GRWD1: variants seen among roughly 807,000 people sequenced by gnomAD.
GRWD1 encodes the protein glutamate rich WD repeat containing 1.
A neutral mutation model predicts 45.3 loss-of-function variants in GRWD1; 29 were observed. The ratio of observed to expected loss-of-function variants is 0.64; its 90% CI spans 0.48 to 0.87. The LOEUF (loss-of-function observed/expected upper bound fraction) is 0.87. Among genes scored for constraint, GRWD1 ranks in the 40% least tolerant of loss-of-function variants. The pLI is 0.00. For missense variants in GRWD1, 592 were observed against 618.8 expected (o/e 0.96, Z 0.46); for synonymous variants, 262 against 257.6 (o/e 1.02, Z -0.16).
At position 48,452,437 on chromosome 19, in the gene GRWD1, G is replaced by A. The variant is rs945516541; in HGVS notation, c.1024-271G>A. Among the ~76,000 whole-genome samples, 8 of 152,164 alleles carry A rather than the reference G, an allele frequency of 5.3e-5. No individual in the cohort carries two copies. The highest frequency in any genetic ancestry group is 3.9e-4 in the Admixed American group (6 of 15,282). ...ACAAGGAAGAAAACAGGCAGGCAGA[G>A]GGAAGAGCAGGGGCGGGGGTTTTGC... is the stretch of plus-strand genomic sequence containing the variant. On this transcript the variant is annotated intron_variant, in intron 6 of 6. Coordinates refer to ENST00000253237, the MANE Select transcript of GRWD1 (RefSeq NM_031485.4). The surrounding 1 kb of genome is among the most constrained non-coding windows in gnomAD (Gnocchi z 5.1).
At position 48,450,457 on chromosome 19, in the gene GRWD1, A is replaced by T; in HGVS notation, c.613A>T (p.Lys205Ter). Residue 205 changes from lysine (K) to a stop codon, truncating the protein, a stop_gained, in exon 4 of 7, where the codon AAG becomes TAG. Coordinates refer to ENST00000253237, the MANE Select transcript of GRWD1 (RefSeq NM_031485.4). LOFTEE classifies it high-confidence loss of function. This position sits in a 1 kb window ranked among gnomAD's most constrained non-coding sequence, Gnocchi z 5.1. ...CCTCCGGGATGAGCAGGCCCAAATG[A>T]AGCCCATCTTCTCCTTCGCTGGACA... ...AFLRDEQAQMKPIFSFAGHMG... is the reference protein window; with the variant it reads ...AFLRDEQAQM The T allele has an allele frequency of 6.2e-7, 1 of 1,614,106 alleles. No homozygotes were observed. Among genetic ancestry groups the T allele is most frequent in the South Asian group, 1.1e-5 (1 of 91,082 alleles).
chr19:48,449,035 AG>A, intron 3 of GRWD1, among the ~76,000 whole-genome samples: 1 of 152,250 alleles, frequency 6.6e-6, no homozygotes, highest in East Asian at 1.9e-4. Context: ...ATTCAGGGGA[AG>A]GATGACATCA....
chr19:48,447,392 G>A (rs997806143), intron 3 of GRWD1, among the ~76,000 whole-genome samples: 1 of 152,086 alleles, frequency 6.6e-6, no homozygotes, highest in South Asian at 2.1e-4. Flanking sequence ...ACAGGTGCGC[G>A]CCACCACGCC....
At position 48,452,086 on chromosome 19, in the gene GRWD1, T is replaced by C. The variant is rs1252172664; in HGVS notation, c.1024-622T>C. ...TCTGGGAGAGCCATGCCCTCCTTTT[T>C]TTCTTTTTTTTTTTTTTTTTCTTTT... is the stretch of plus-strand genomic sequence containing the variant. On this transcript the variant is annotated intron_variant, in intron 6 of 6. Transcript: ENST00000253237. This position sits in a 1 kb window ranked among gnomAD's most constrained non-coding sequence, Gnocchi z 5.1. 8.3e-5 allele frequency among the ~76,000 whole-genome samples: 3 copies of C among 36,150 alleles called. No homozygotes were observed. The highest frequency in any genetic ancestry group is 1.8e-4 in the Non-Finnish European group (2 of 11,054). The allele number at this position is 36,150 out of a possible 152,430, so 23.7% of individuals were successfully genotyped here.
In GRWD1 at chr19:48,450,175, A is replaced by C; in HGVS notation, c.469-138A>C. 1.5e-6 allele frequency: 1 copy of C among 666,562 alleles called. No homozygotes were observed. The highest frequency in any genetic ancestry group is 2.6e-6 in the Non-Finnish European group (1 of 383,300). The allele number at this position is 666,562 out of a possible 1,614,324, so 41.3% of individuals were successfully genotyped here. ...GTGATTTTCTTCCCACAGAGGTTTC[A>C]AGGAGCTGTAGTCCCAGGCCTGGGA... On this transcript the variant is annotated intron_variant, in intron 3 of 6. Coordinates refer to ENST00000253237, the MANE Select transcript of GRWD1 (RefSeq NM_031485.4). This position sits in a 1 kb window ranked among gnomAD's most constrained non-coding sequence, Gnocchi z 5.1.
intron 6 of GRWD1, among the ~76,000 whole-genome samples, chr19:48,451,703 CAGG>C (rs976723511): frequency 2.7e-4 from 41 of 152,282 alleles, no homozygotes; most frequent in Admixed American, 2.5e-3. Flanking sequence ...GGTCCCTGTG[CAGG>C]AGAAGTTGCA....
chr19:48,453,216 C>G lies in GRWD1; in HGVS notation c.*191C>G. On this transcript the variant is annotated 3_prime_UTR_variant, in exon 7 of 7. Transcript: ENST00000253237. ...CAGTGACCCCTCTCACCAAAGAACT[C>G]GGTTTAACCAGGGCTCTGTAAGACC... 1.8e-6 allele frequency: 1 copy of G among 567,926 alleles called. No individual in the cohort carries two copies. Among genetic ancestry groups the G allele is most frequent in the Non-Finnish European group, 3.1e-6 (1 of 324,482 alleles). 35.2% of individuals were successfully genotyped at this position (567,926 alleles called of 1,614,324 possible).
Position 48,453,385 on chromosome 19 carries a change from T to A in GRWD1, c.*360T>A, listed in dbSNP as rs1161337165. 1.1e-5 allele frequency: 2 copies of A among 188,596 alleles called. No homozygotes were observed. The highest frequency in any genetic ancestry group is 2.7e-4 in the East Asian group (2 of 7,490). 11.7% of individuals were successfully genotyped at this position (188,596 alleles called of 1,614,324 possible). A position where few individuals can be genotyped will look rare whatever the true frequency, so the allele number is the denominator to read the frequency against. On this transcript the variant is annotated 3_prime_UTR_variant, in exon 7 of 7. Transcript: ENST00000253237. The stretch of plus-strand genomic sequence containing the variant: ...CGGAGTCTTGGTCTGTCGCCCAGGC[T>A]GGAGTGCAGTAGCACGATCTTGGCT...
In GRWD1 at chr19:48,452,202, C is replaced by T. The variant is rs1182397221; in HGVS notation, c.1024-506C>T. 6.6e-6 allele frequency among the ~76,000 whole-genome samples: 1 copy of T among 151,610 alleles called. No homozygotes were observed. Among genetic ancestry groups the T allele is most frequent in the East Asian group, 1.9e-4 (1 of 5,148 alleles). On this transcript the variant is annotated intron_variant, in intron 6 of 6. Transcript: ENST00000253237. This position sits in a 1 kb window ranked among gnomAD's most constrained non-coding sequence, Gnocchi z 5.1. ...GCAACCTCCCGCTCCTGGGTTCAAG[C>T]GATTCTCCTGCCTCAGCCTCCTGAG... is the stretch of plus-strand genomic sequence containing the variant.
chr19:48,446,701 A>G lies in GRWD1; in HGVS notation c.326A>G (p.His109Arg). The G allele has an allele frequency of 6.2e-7, 1 of 1,603,912 alleles. No homozygotes were observed. Reference protein sequence around the residue: ...QSNRLMMLRMHNLHGTKPPPS... With the variant: ...QSNRLMMLRMRNLHGTKPPPS... ...CCCAGACTGATGATGCTTCGGATGC[A>G]CAATCTGCATGGGACAAAGCCCCCA... The change falls in exon 3 of 7, where the codon CAC becomes CGC. Residue 109 changes from histidine (H) to arginine (R), a missense_variant. His to Arg is a conservative substitution (Grantham distance 29). Coordinates refer to ENST00000253237, the MANE Select transcript of GRWD1 (RefSeq NM_031485.4).
chr19:48,449,841 G>A (rs1156534431), intron 3 of GRWD1, among the ~76,000 whole-genome samples: 3 of 152,060 alleles, frequency 2.0e-5, no homozygotes, highest in Non-Finnish European at 4.4e-5. Flanking sequence ...AAGTTTGAAC[G>A]GTCAATGCAG....
At position 48,446,084 on chromosome 19, in the gene GRWD1, G is replaced by A. The variant is rs761578462; in HGVS notation, c.79G>A (p.Glu27Lys). The A allele has an allele frequency of 1.9e-6, 3 of 1,596,412 alleles. No homozygotes were observed. The highest frequency in any genetic ancestry group is 2.6e-6 in the Non-Finnish European group (3 of 1,173,260). The change falls in exon 1 of 7, where the codon GAG becomes AAG. Residue 27 changes from glutamate to lysine, a missense_variant. Glu to Lys is a moderately conservative substitution (Grantham distance 56, BLOSUM62 1). Coordinates refer to ENST00000253237, the MANE Select transcript of GRWD1 (RefSeq NM_031485.4). ...MEAESGDTSS[E>K]GPAQVYLPGR... ...AGCCGAGTCCGGCGACACAAGTTCC[G>A]AGGGCCCGGCCCAGGTCTACCTGCC...
In GRWD1 at chr19:48,446,844, G is replaced by A; in HGVS notation, c.468+1G>A. On this transcript the variant is annotated splice_donor_variant, in intron 3 of 6. Coordinates refer to ENST00000253237, the MANE Select transcript of GRWD1 (RefSeq NM_031485.4). LOFTEE classifies it high-confidence loss of function. ...CTATGGTGGCATCAACCGAGTTCGG[G>A]TAAGTATGGTCCCAGGAGCCTGCTC... 1 of 1,611,844 alleles carries A rather than the reference G, an allele frequency of 6.2e-7. No homozygotes were observed. Among genetic ancestry groups the A allele is most frequent in the Non-Finnish European group, 8.5e-7 (1 of 1,179,350 alleles).
At position 48,446,440 on chromosome 19, in the gene GRWD1, A is replaced by G; in HGVS notation, c.243A>G (p.Thr81=). 6.2e-7 allele frequency: 1 copy of G among 1,614,136 alleles called. No individual in the cohort carries two copies. The highest frequency in any genetic ancestry group is 8.5e-7 in the Non-Finnish European group (1 of 1,179,980). The change falls in exon 2 of 7, where the codon ACA becomes ACG. Residue 81 remains threonine (T), a synonymous_variant. Coordinates refer to ENST00000253237, the MANE Select transcript of GRWD1 (RefSeq NM_031485.4). ...GGGATCACCTGGGAGACAACCGGAC[A>G]GAGCTTCCTCTTACACTTTACTTGT... ...IVRDHLGDNR[T]ELPLTLYLCA...
Position 48,452,969 on chromosome 19 carries a change from CTCCTGG to C in GRWD1, c.1288_1293del (p.Leu430_Val431del), listed in dbSNP as rs1345721279. 1 of 1,610,048 alleles carries C rather than the reference CTCCTGG, an allele frequency of 6.2e-7. No individual in the cohort carries two copies. Among genetic ancestry groups the C allele is most frequent in the Non-Finnish European group, 8.5e-7 (1 of 1,178,220 alleles). On this transcript the variant is annotated inframe_deletion, in exon 7 of 7. Transcript: ENST00000253237. This position sits in a 1 kb window ranked among gnomAD's most constrained non-coding sequence, Gnocchi z 5.1. ...GCACTGGCACCCGCAGTGCCCAGGG[CTCCTGG>C]TCAGCACGGCGCTGTCAGGCTTCAC...
At position 48,446,821 on chromosome 19, in the gene GRWD1, A is replaced by G. The variant is rs776488725; in HGVS notation, c.446A>G (p.Tyr149Cys). The G allele has an allele frequency of 6.2e-7, 1 of 1,613,484 alleles. No homozygotes were observed. The highest frequency in any genetic ancestry group is 1.1e-5 in the South Asian group (1 of 91,068). Residue 149 changes from tyrosine (Y) to cysteine (C), a missense_variant, in exon 3 of 7, where the codon TAT becomes TGT. By Grantham distance (194) the Tyr-to-Cys change is radical. Transcript: ENST00000253237. ...PQLELAMVPH[Y>C]GGINRVRVSW... The stretch of plus-strand genomic sequence containing the variant: ...CTGGAGCTGGCCATGGTGCCCCACT[A>G]TGGTGGCATCAACCGAGTTCGGGTA...
chr19:48,451,526 G>GTGTC (rs1971475834), intron 6 of GRWD1, among the ~76,000 whole-genome samples: 1 of 152,190 alleles, frequency 6.6e-6, no homozygotes, highest in Non-Finnish European at 1.5e-5. Flanking sequence ...AGAAGTACAG[G>GTGTC]TGTCTGTACG....
rs1266495600 is a variant in GRWD1, at chr19:48,456,886, G to C, written c.*3861G>C. ...ATTTATTTTTTAGAGACAGGGTTTT[G>C]CTGTCTTCCCCAGGCTGGTTCTCAA... On this transcript the variant is annotated 3_prime_UTR_variant, in exon 7 of 7. Transcript: ENST00000253237. 1 of 151,418 alleles carries C rather than the reference G, an allele frequency of 6.6e-6. No individual in the cohort carries two copies. The highest frequency in any genetic ancestry group is 2.4e-5 in the African/African-American group (1 of 41,188). 9.4% of individuals were successfully genotyped at this position (151,418 alleles called of 1,614,324 possible). A position where few individuals can be genotyped will look rare whatever the true frequency, so the allele number is the denominator to read the frequency against.
In GRWD1 at chr19:48,450,437, G is replaced by A. The variant is rs147327994; in HGVS notation, c.593G>A (p.Arg198Gln). 1.2e-4 allele frequency: 197 copies of A among 1,614,078 alleles called. No homozygotes were observed. The highest frequency in any genetic ancestry group is 3.5e-4 in the South Asian group (32 of 91,080). ...EEPQALAAFL[R>Q]DEQAQMKPIF... ...CCCCAGGCCCTGGCAGCCTTCCTCCGGGATGAGCAGGCCCAAATGAAGCCC... is the reference window on the plus strand; with the variant it reads ...CCCCAGGCCCTGGCAGCCTTCCTCCAGGATGAGCAGGCCCAAATGAAGCCC... Residue 198 changes from arginine (R) to glutamine (Q), a missense_variant, in exon 4 of 7, where the codon CGG (arginine) becomes CAG (glutamine). Transcript: ENST00000253237. The surrounding 1 kb of genome is among the most constrained non-coding windows in gnomAD (Gnocchi z 5.1).
Sources: allele counts gnomAD v4.1 joint callset (sites outside exome capture counted in the v4.1 genomes callset), GRCh38; gene constraint gnomAD v4.1.1; non-coding constraint Gnocchi (gnomAD v3.1); transcripts MANE v1.5; gene names NCBI Gene and HGNC (gene_info 2026-07-23, HGNC 2026-07-21).